TXLNB: variants seen among roughly 807,000 people sequenced by gnomAD.
The protein encoded by TXLNB is beta-taxilin.
TXLNB carries 37 observed loss-of-function variants against 57.4 expected under a neutral mutation model. The observed-to-expected ratio is 0.64, with a 90% CI of 0.50 to 0.85. TXLNB has a LOEUF of 0.85. Among genes scored for constraint, TXLNB ranks in the 40% least tolerant of loss-of-function variants. The probability of loss-of-function intolerance (pLI) is 0.00; values close to 1 mark genes in which losing one functional copy is unlikely to be tolerated. For missense variants in TXLNB, 848 were observed against 825.6 expected, an observed-to-expected ratio of 1.03 and a Z score of -0.33; for synonymous variants, 302 against 309.6, an observed-to-expected ratio of 0.98 and a Z score of 0.26.
the TXLNB span, among the ~76,000 whole-genome samples, chr6:139,176,606 A>C: frequency 6.6e-6 from 1 of 152,206 alleles, no homozygotes. The surrounding 1 kb of genome is among the most constrained non-coding windows in gnomAD (Gnocchi z 4.5). Flanking sequence ...ATTTCAAAGA[A>C]GTTTCGTGGA....
intron 6 of TXLNB, among the ~76,000 whole-genome samples, chr6:139,259,690 A>G (rs1031582383): frequency 6.6e-6 from 1 of 152,090 alleles, no homozygotes; most frequent in Non-Finnish European, 1.5e-5. Context: ...CTTTCCAGTT[A>G]GACTCTAATC....
chr6:139,193,579 A>G, the TXLNB span, among the ~76,000 whole-genome samples: 9 of 151,160 alleles, frequency 6.0e-5, 1 homozygote, highest in East Asian at 1.9e-4. Context: ...GTGATATTCT[A>G]TTGCACCAGA....
At chr6:139,312,676 T>A in the TXLNB span, among the ~76,000 whole-genome samples, 2 of 114,344 alleles carry the variant, frequency 1.7e-5, no homozygotes, top group Admixed American at 1.6e-4. Context: ...CCCCAAAACA[T>A]CCCTTGGATA....
chr6:139,296,272 A>G (rs1777387555), upstream of TXLNB, among the ~76,000 whole-genome samples: 1 of 152,190 alleles, frequency 6.6e-6, no homozygotes, highest in African/African-American at 2.4e-5. Context: ...TGATACCCTT[A>G]TACTTACTTG....
At position 139,270,463 on chromosome 6, in the gene TXLNB, G is replaced by A; in HGVS notation, c.680C>T (p.Thr227Ile). ...LCRELQRHNK[T>I]LKEEALQRAR... The stretch of plus-strand genomic sequence containing the variant: ...TGAGGCATGGGGACATACCTTCAGA[G>A]TCTTGTTGTGTCTCTGCAGCTCCCG... Residue 227 changes from threonine (T) to isoleucine (I), a missense_variant, in exon 4 of 10, where the codon ACT becomes ATT. Physicochemically the swap from Thr to Ile is moderately conservative, Grantham distance 89. Coordinates refer to ENST00000358430, the MANE Select transcript of TXLNB (RefSeq NM_153235.4). 1 of 1,613,762 alleles carries A rather than the reference G, an allele frequency of 6.2e-7. No homozygotes were observed. Among genetic ancestry groups the A allele is most frequent in the East Asian group, 2.2e-5 (1 of 44,882 alleles).
intron 3 of TXLNB, 21 bp downstream of exon 3, chr6:139,276,806 AAAG>A (rs1334833462): frequency 1.9e-6 from 3 of 1,580,490 alleles, no homozygotes; most frequent in South Asian, 2.3e-5. Flanking sequence ...CGTTCTGAGA[AAAG>A]AAGCTAATCC....
At chr6:139,277,753 T>C (rs770091692) in intron 2 of TXLNB, among the ~76,000 whole-genome samples, 20 of 152,118 alleles carry the variant, frequency 1.3e-4, no homozygotes, top group Non-Finnish European at 2.8e-4. Context: ...TAAATAATCA[T>C]GAAAGGGTGG....
intron 3 of TXLNB, among the ~76,000 whole-genome samples, chr6:139,272,824 A>G (rs1392545080): frequency 6.6e-6 from 1 of 152,160 alleles, no homozygotes; most frequent in Non-Finnish European, 1.5e-5. Context: ...ACCTGAAGTC[A>G]GGAGATGGAG....
At chr6:139,284,739 T>G (rs1427124262) in intron 2 of TXLNB, among the ~76,000 whole-genome samples, 1 of 145,254 alleles carries the variant, frequency 6.9e-6, no homozygotes, top group Admixed American at 6.7e-5. Context: ...GAGGAGCATT[T>G]TTCACAAATT....
the TXLNB span, among the ~76,000 whole-genome samples, chr6:139,181,677 G>A: frequency 6.6e-6 from 1 of 152,188 alleles, no homozygotes; most frequent in Non-Finnish European, 1.5e-5. Flanking sequence ...TATAGGAAAG[G>A]TCTTGGAAAG....
chr6:139,266,534 A>G (rs1030924916), intron 4 of TXLNB, among the ~76,000 whole-genome samples: 1 of 152,160 alleles, frequency 6.6e-6, no homozygotes, highest in African/African-American at 2.4e-5. Context: ...CAATCAAAAT[A>G]AGATAATCTA....
chr6:139,171,791 T>G, the TXLNB span, among the ~76,000 whole-genome samples: 1 of 152,012 alleles, frequency 6.6e-6, no homozygotes, highest in Non-Finnish European at 1.5e-5. Context: ...CACACTCGGC[T>G]TATTTAATTT....
the TXLNB span, among the ~76,000 whole-genome samples, chr6:139,190,667 G>A: frequency 2.0e-5 from 3 of 152,116 alleles, no homozygotes; most frequent in African/African-American, 7.2e-5. Context: ...GCAAAGGTGT[G>A]AACAAAGCAT....
chr6:139,243,284 A>G lies in TXLNB; in HGVS notation c.1297T>C (p.Phe433Leu), dbSNP rs1433300406. 53 of 1,612,226 alleles carry G rather than the reference A, an allele frequency of 3.3e-5. No individual in the cohort carries two copies. Among genetic ancestry groups the G allele is most frequent in the Non-Finnish European group, 4.3e-5 (51 of 1,179,964 alleles). ...TCTAGCCTCCCGATTTTCATCACAA[A>G]GCACTCATATTCTTTAGCTCTCAGT... ...KALRAKEYECFVMKIGRLENL... is the reference protein window; with the variant it reads ...KALRAKEYECLVMKIGRLENL... The change falls in exon 10 of 10, where the codon TTT becomes CTT. Residue 433 changes from phenylalanine (F) to leucine (L), a missense_variant. Coordinates refer to ENST00000358430, the MANE Select transcript of TXLNB (RefSeq NM_153235.4).
the TXLNB span, among the ~76,000 whole-genome samples, chr6:139,187,964 A>G: frequency 3.3e-5 from 5 of 152,144 alleles, no homozygotes; most frequent in Non-Finnish European, 4.4e-5. Context: ...AGGATCATTT[A>G]TGTTATTTCT....
the TXLNB span, among the ~76,000 whole-genome samples, chr6:139,195,463 C>T: frequency 2.0e-5 from 3 of 152,090 alleles, no homozygotes; most frequent in Admixed American, 6.5e-5. Context: ...GTCTGAGAAG[C>T]CTGTGCATAG....
chr6:139,279,630 A>G (rs539164491), intron 2 of TXLNB, among the ~76,000 whole-genome samples: 113 of 152,316 alleles, frequency 7.4e-4, no homozygotes, highest in Admixed American at 2.0e-3. Flanking sequence ...GAGTAGACAG[A>G]GACTTGCTCA....
chr6:139,174,498 A>G, the TXLNB span: 39 of 1,613,936 alleles, frequency 2.4e-5, no homozygotes, highest in Middle Eastern at 1.6e-4. Flanking sequence ...GCTGGGCACT[A>G]TGTACACCTA....
At chr6:139,286,594 C>T (rs188285877) in intron 2 of TXLNB, among the ~76,000 whole-genome samples, 2 of 152,312 alleles carry the variant, frequency 1.3e-5, no homozygotes, top group East Asian at 3.9e-4. Flanking sequence ...AGTCCGTGGC[C>T]TGTTAGGAAC....
Sources: allele counts gnomAD v4.1 joint callset (sites outside exome capture counted in the v4.1 genomes callset), GRCh38; gene constraint gnomAD v4.1.1; non-coding constraint Gnocchi (gnomAD v3.1); transcripts MANE v1.5; gene names NCBI Gene and HGNC (gene_info 2026-07-23, HGNC 2026-07-21).